TRABD2B: variants seen among roughly 807,000 people sequenced by gnomAD.
TRABD2B encodes TraB domain containing 2B.
TRABD2B carries 14 observed loss-of-function variants against 40.1 expected under a neutral mutation model. The observed-to-expected ratio is 0.35, with a 90% CI of 0.23 to 0.55. The LOEUF is 0.55. Ranked by LOEUF, TRABD2B falls within the 20% of genes least tolerant of loss-of-function variation. TRABD2B has a pLI of 0.90. For missense variants in TRABD2B, 541 were observed against 648.6 expected, an observed-to-expected ratio of 0.83 and a Z score of 1.80; for synonymous variants, 263 against 277.0, an observed-to-expected ratio of 0.95 and a Z score of 0.50.
At position 47,794,751 on chromosome 1, in the gene TRABD2B, A is replaced by G; in HGVS notation, c.823T>C (p.Phe275Leu). 6.6e-7 allele frequency: 1 copy of G among 1,521,770 alleles called. No homozygotes were observed. The highest frequency in any genetic ancestry group is 8.8e-7 in the Non-Finnish European group (1 of 1,138,832). 94.3% of individuals were successfully genotyped at this position (1,521,770 alleles called of 1,614,324 possible). A position where few individuals can be genotyped will look rare whatever the true frequency, so the allele number is the denominator to read the frequency against. ...TGTGGCGGGAGGGTGGTGTTGATAA[A>G]GTTGGGCAGCTGCAAAGGCAAGACA... ...FNHDTSQLPN[F>L]INTTLPPHEQ... The change falls in exon 4 of 7, where the codon TTT (phenylalanine) becomes CTT (leucine). Residue 275 changes from phenylalanine (F) to leucine (L), a missense_variant. Phe to Leu is a conservative substitution (Grantham distance 22). Around this residue, in one of 2 missense-constraint regions of TRABD2B, gnomAD observed 369 missense variants for 492.8 expected, o/e 0.75. Transcript: ENST00000606738.
At chr1:47,827,484 G>C (rs1302478576) in intron 2 of TRABD2B, among the ~76,000 whole-genome samples, 1 of 152,172 alleles carries the variant, frequency 6.6e-6, no homozygotes, top group Non-Finnish European at 1.5e-5. Flanking sequence ...GCTGGCCAAG[G>C]GAGCTCCTAA....
chr1:47,924,503 C>A (rs1348851283), intron 2 of TRABD2B, among the ~76,000 whole-genome samples: 1 of 152,152 alleles, frequency 6.6e-6, no homozygotes, highest in African/African-American at 2.4e-5. Context: ...TTGGGTAACA[C>A]TGAATGATGT....
chr1:47,945,180 C>A (rs934621684), intron 2 of TRABD2B, among the ~76,000 whole-genome samples: 1 of 152,096 alleles, frequency 6.6e-6, no homozygotes, highest in Non-Finnish European at 1.5e-5. Context: ...TGTAGCAGCA[C>A]TTGGAGATAG....
intron 2 of TRABD2B, among the ~76,000 whole-genome samples, chr1:47,945,461 C>G (rs1557672359): frequency 6.6e-6 from 1 of 152,052 alleles, no homozygotes. Context: ...ATAAATGCAC[C>G]TTTTTTTGGT....
chr1:47,860,088 C>T (rs1003153139), intron 2 of TRABD2B, among the ~76,000 whole-genome samples: 4 of 152,114 alleles, frequency 2.6e-5, no homozygotes, highest in Non-Finnish European at 4.4e-5. Context: ...GCTGTGATGG[C>T]GGACAGGGCA....
chr1:47,840,885 C>T (rs1262777250), intron 2 of TRABD2B, among the ~76,000 whole-genome samples: 3 of 152,186 alleles, frequency 2.0e-5, no homozygotes, highest in Admixed American at 2.0e-4. Flanking sequence ...CTGCCAATTC[C>T]ATCTCCCCTC....
intron 2 of TRABD2B, among the ~76,000 whole-genome samples, chr1:47,825,378 A>G (rs991165381): frequency 6.6e-6 from 1 of 152,134 alleles, no homozygotes. Context: ...TCCTTTTTAC[A>G]TTCACTGTCC....
In TRABD2B at chr1:47,958,430, T is replaced by A. The variant is rs564183083; in HGVS notation, c.666+35604A>T. Among the ~76,000 whole-genome samples, 349 of 145,920 alleles carry A rather than the reference T, an allele frequency of 2.4e-3. 1 individual carries two copies. Among genetic ancestry groups the A allele is most frequent in the Non-Finnish European group, 3.4e-3 (228 of 66,446 alleles). ...ACAGACTGGCAAACTGGATAAAGAG[T>A]CAAGACCCATCAGTGTGCTGTATTC... On this transcript the variant is annotated intron_variant, in intron 2 of 6. Transcript: ENST00000606738.
intron 2 of TRABD2B, among the ~76,000 whole-genome samples, chr1:47,812,480 C>T (rs536035935): frequency 6.6e-6 from 1 of 152,308 alleles, no homozygotes; most frequent in South Asian, 2.1e-4. Flanking sequence ...GTAATCCCAG[C>T]ACTTTGCGGG....
chr1:47,784,711 G>A (rs1041757121), intron 4 of TRABD2B, among the ~76,000 whole-genome samples: 4 of 152,230 alleles, frequency 2.6e-5, no homozygotes, highest in Admixed American at 6.5e-5. Flanking sequence ...GGCCAGTGGA[G>A]GATGGACAAC....
Position 47,964,265 on chromosome 1 carries a change from C to A in TRABD2B, c.666+29769G>T, listed in dbSNP as rs147620841. ...ACTACCTGAGTCAGGCCCAAGGGGT[C>A]AAGGAGGTTCCCTGAAACTTCCCAT... On this transcript the variant is annotated intron_variant, in intron 2 of 6. Transcript: ENST00000606738. Among the ~76,000 whole-genome samples the A allele has an allele frequency of 2.6e-5, 4 of 152,234 alleles. No homozygotes were observed. In the East Asian group the frequency reaches 7.7e-4, roughly 29 times the overall value.
At chr1:47,830,599 G>A (rs143080173) in intron 2 of TRABD2B, among the ~76,000 whole-genome samples, 138 of 152,344 alleles carry the variant, frequency 9.1e-4, no homozygotes, top group Non-Finnish European at 1.6e-3. Flanking sequence ...GTGAAAGGAG[G>A]CTTTGACAAG....
intron 2 of TRABD2B, chr1:47,819,725 AT>A (rs1355413959): frequency 6.6e-6 from 1 of 152,194 alleles, no homozygotes; most frequent in Non-Finnish European, 1.5e-5. Context: ...AGGCTGCCCT[AT>A]CTCAGGTCCA....
chr1:47,788,272 T>G (rs1644623921), intron 4 of TRABD2B, among the ~76,000 whole-genome samples: 1 of 152,202 alleles, frequency 6.6e-6, no homozygotes, highest in South Asian at 2.1e-4. Flanking sequence ...GTATTCTGTG[T>G]GTTGGTCTTA....
At chr1:47,915,848 G>A (rs1465771853) in intron 2 of TRABD2B, among the ~76,000 whole-genome samples, 1 of 152,140 alleles carries the variant, frequency 6.6e-6, no homozygotes, top group African/African-American at 2.4e-5. Flanking sequence ...GCCCTGTCGT[G>A]CCCCCACGCT....
At chr1:47,806,164 CAG>C (rs1644889582) in intron 2 of TRABD2B, among the ~76,000 whole-genome samples, 2 of 152,238 alleles carry the variant, frequency 1.3e-5, no homozygotes, top group South Asian at 4.1e-4. Flanking sequence ...GTGCTTCCAA[CAG>C]ACAGAGGGAA....
At chr1:47,820,493 A>C (rs1645091134) in intron 2 of TRABD2B, among the ~76,000 whole-genome samples, 1 of 152,158 alleles carries the variant, frequency 6.6e-6, no homozygotes, top group South Asian at 2.1e-4. Context: ...GGCCTACCTC[A>C]AGCTTGGTGA....
chr1:47,766,627 A>C (rs1277443655), intron 6 of TRABD2B, among the ~76,000 whole-genome samples: 1 of 152,206 alleles, frequency 6.6e-6, no homozygotes, highest in African/African-American at 2.4e-5. Context: ...TCTGATCCTC[A>C]TAACAAGCCT....
Position 47,972,846 on chromosome 1 carries a change from C to T in TRABD2B, c.666+21188G>A, listed in dbSNP as rs1645701085. The stretch of plus-strand genomic sequence containing the variant: ...CTCCCCTCAATGCCCTTCAGATCTA[C>T]AGTCTGTGTCCATCTCCAGGGAGCC... On this transcript the variant is annotated intron_variant, in intron 2 of 6. Coordinates refer to ENST00000606738, the MANE Select transcript of TRABD2B (RefSeq NM_001194986.2). 1.3e-5 allele frequency among the ~76,000 whole-genome samples: 2 copies of T among 152,168 alleles called. 1 individual carries two copies. Among genetic ancestry groups the T allele is most frequent in the South Asian group, 4.2e-4 (2 of 4,816 alleles).
Sources: gnomAD v4.1 joint callset for allele counts (sites outside exome capture counted in the v4.1 genomes callset) on GRCh38, gnomAD v4.1.1 for gene constraint, gnomAD v4.1.1 regional missense constraint, MANE v1.5 for transcripts, NCBI Gene and HGNC (gene_info 2026-07-23, HGNC 2026-07-21) for gene names.